Variants in NELL1 observed in about 807,000 individuals in gnomAD.
The protein encoded by NELL1 is protein kinase C-binding protein NELL1.
Under a neutral mutation model 107.4 loss-of-function variants are expected in NELL1, and 76 were observed. That is an observed-to-expected ratio of 0.71 (90% CI 0.59 to 0.86). The LOEUF (loss-of-function observed/expected upper bound fraction) is 0.86, where lower values mean the gene tolerates loss of function less well. Ranked by LOEUF, NELL1 falls within the 40% of genes least tolerant of loss-of-function variation. The pLI is 0.00. For missense variants in NELL1, 1,024 were observed against 1,005.5 expected (o/e 1.02, Z -0.25); for synonymous variants, 353 against 341.2 (o/e 1.03, Z -0.38).
intron 14 of NELL1, among the ~76,000 whole-genome samples, chr11:21,337,793 T>TTTCC (rs1197901079): frequency 7.7e-6 from 1 of 129,976 alleles, no homozygotes; most frequent in Non-Finnish European, 1.6e-5. Flanking sequence ...TCTTTCTTTC[T>TTTCC]TTCCTTCTTT....
chr11:21,243,953 T>G (rs1858427467), intron 14 of NELL1, among the ~76,000 whole-genome samples: 1 of 152,168 alleles, frequency 6.6e-6, no homozygotes, highest in Non-Finnish European at 1.5e-5. Context: ...TTATTTTTTT[T>G]GTTATGTTGA....
intron 4 of NELL1, among the ~76,000 whole-genome samples, chr11:20,864,928 C>T (rs1018209598): frequency 3.3e-5 from 5 of 152,224 alleles, no homozygotes; most frequent in Non-Finnish European, 7.3e-5. Context: ...GTACAACATC[C>T]TCATTGGCAG....
intron 13 of NELL1, among the ~76,000 whole-genome samples, chr11:21,216,127 A>C (rs1857607556): frequency 6.6e-6 from 1 of 152,272 alleles, no homozygotes. Flanking sequence ...TTTTCCCATT[A>C]CTTCTGAGGG....
At chr11:20,779,865 G>C (rs1228591473) in intron 2 of NELL1, among the ~76,000 whole-genome samples, 2 of 152,234 alleles carry the variant, frequency 1.3e-5, no homozygotes, top group Non-Finnish European at 2.9e-5. Context: ...AGAGTGTGAG[G>C]TTCAGAGAGG....
intron 13 of NELL1, among the ~76,000 whole-genome samples, chr11:21,136,372 T>C (rs995213390): frequency 6.6e-6 from 1 of 152,176 alleles, no homozygotes; most frequent in Non-Finnish European, 1.5e-5. Context: ...GGTTTAGATA[T>C]AATTATGAAT....
intron 2 of NELL1, among the ~76,000 whole-genome samples, chr11:20,718,875 A>C (rs954519239): frequency 2.6e-5 from 4 of 152,150 alleles, no homozygotes; most frequent in African/African-American, 9.7e-5. Flanking sequence ...GCTGGATTGC[A>C]CTGTAGCTAG....
At chr11:20,872,029 AAAAAAAAAAAAAAG>A (rs1271680401) in intron 4 of NELL1, among the ~76,000 whole-genome samples, 1 of 149,992 alleles carries the variant, frequency 6.7e-6, no homozygotes, top group East Asian at 2.0e-4. Flanking sequence ...AAAAAAAAAA[AAAAAAAAAAAAAAG>A]AAGAGGCCCA....
intron 14 of NELL1, among the ~76,000 whole-genome samples, chr11:21,352,064 G>A (rs752205635): frequency 2.0e-5 from 3 of 151,994 alleles, no homozygotes; most frequent in Non-Finnish European, 2.9e-5. Flanking sequence ...TTTATGCTAA[G>A]CTATTCTCTT....
intron 14 of NELL1, among the ~76,000 whole-genome samples, chr11:21,243,415 A>T (rs1432006939): frequency 6.6e-6 from 1 of 152,104 alleles, no homozygotes; most frequent in African/African-American, 2.4e-5. Flanking sequence ...AAAGCTAGGA[A>T]ACAATCTTTG....
chr11:21,064,390 A>G (rs1477391005), intron 12 of NELL1, among the ~76,000 whole-genome samples: 1 of 152,180 alleles, frequency 6.6e-6, no homozygotes, highest in African/African-American at 2.4e-5. Context: ...AGATGATAGT[A>G]GTTCAGAACA....
chr11:21,058,063 T>C (rs1306256529), intron 12 of NELL1, among the ~76,000 whole-genome samples: 1 of 152,044 alleles, frequency 6.6e-6, no homozygotes, highest in Non-Finnish European at 1.5e-5. Flanking sequence ...TGTCACTGTG[T>C]ACAAGGCTAA....
intron 15 of NELL1, among the ~76,000 whole-genome samples, chr11:21,470,367 C>A (rs1223580281): frequency 6.6e-6 from 1 of 152,034 alleles, no homozygotes; most frequent in Non-Finnish European, 1.5e-5. Context: ...TACCTCTTAT[C>A]CAATATCATT....
chr11:20,857,303 T>C (rs1343804762), intron 4 of NELL1, among the ~76,000 whole-genome samples: 3 of 152,110 alleles, frequency 2.0e-5, no homozygotes, highest in Non-Finnish European at 4.4e-5. Flanking sequence ...TTCACCTGCC[T>C]ATAGCCCCCC....
intron 12 of NELL1, among the ~76,000 whole-genome samples, chr11:20,963,415 G>C (rs1851328304): frequency 6.6e-6 from 1 of 152,132 alleles, no homozygotes; most frequent in South Asian, 2.1e-4. Context: ...GGCTAATTGT[G>C]TTTATTCCCT....
chr11:20,927,665 A>T (rs776879474), intron 8 of NELL1, among the ~76,000 whole-genome samples: 8 of 152,226 alleles, frequency 5.3e-5, no homozygotes, highest in Non-Finnish European at 2.9e-5. Flanking sequence ...TTGCCAACAC[A>T]CCCTAATTTG....
chr11:21,010,374 C>G (rs7941492), intron 12 of NELL1, among the ~76,000 whole-genome samples: 16,116 of 152,096 alleles, frequency 0.11, 1,306 homozygotes, highest in African/African-American at 0.23. Flanking sequence ...GCTCCACCCT[C>G]CCTGCCTGTC....
intron 5 of NELL1, among the ~76,000 whole-genome samples, chr11:20,916,780 G>A (rs1850267744): frequency 1.3e-5 from 2 of 151,828 alleles, no homozygotes; most frequent in African/African-American, 4.8e-5. Flanking sequence ...TGAAAGCATA[G>A]ATGTCTAAAA....
chr11:21,344,035 T>C (rs2133708021), intron 14 of NELL1, among the ~76,000 whole-genome samples: 1 of 152,290 alleles, frequency 6.6e-6, no homozygotes, highest in South Asian at 2.1e-4. Context: ...ATGTGCCCCA[T>C]TTGAAGAACA....
At chr11:20,989,638 C>T (rs1045467541) in intron 12 of NELL1, among the ~76,000 whole-genome samples, 1 of 152,168 alleles carries the variant, frequency 6.6e-6, no homozygotes, top group African/African-American at 2.4e-5. Flanking sequence ...CTGCCCTCAA[C>T]TATTCCCTTG....
Sources: gnomAD v4.1 joint callset for allele counts (sites outside exome capture counted in the v4.1 genomes callset) on GRCh38, gnomAD v4.1.1 for gene constraint, MANE v1.5 for transcripts, NCBI Gene and HGNC (gene_info 2026-07-23, HGNC 2026-07-21) for gene names.